Variants in DAGLB observed in about 807,000 individuals in gnomAD.
DAGLB encodes diacylglycerol lipase beta.
In DAGLB, 66 loss-of-function variants were observed where a neutral mutation model predicts 72.1. The ratio of observed to expected loss-of-function variants is 0.92; its 90% CI spans 0.75 to 1.12. The LOEUF is 1.12. DAGLB is among the 50% of genes most tolerant of loss of function. DAGLB has a pLI of 0.00. For synonymous variants in DAGLB, 414 were observed against 359.5 expected (o/e 1.15, Z -1.71); for missense variants, 1,065 against 884.9 (o/e 1.20, Z -2.58).
At chr7:6,410,470 A>G in intron 13 of DAGLB, 90 bp from the exon 14 acceptor site, 7 of 1,506,896 alleles carry the variant, frequency 4.6e-6, no homozygotes, top group Non-Finnish European at 5.3e-6. Flanking sequence ...AGGCACAGGA[A>G]TCTGCCCTTT....
chr7:6,414,201 A>G (rs766582212), intron 11 of DAGLB, among the ~76,000 whole-genome samples: 22 of 151,560 alleles, frequency 1.5e-4, no homozygotes, highest in Admixed American at 6.6e-4. Flanking sequence ...TAGTAGAGAT[A>G]GGGTTTCACC....
In DAGLB at chr7:6,445,959, T is replaced by G; in HGVS notation, c.241A>C (p.Met81Leu). Residue 81 changes from methionine to leucine, a missense_variant, in exon 2 of 15, where the codon ATG becomes CTG. Met to Leu is a conservative substitution (Grantham distance 15). Transcript: ENST00000297056. ...AGAAAAGGCTACTTTTTACCTCTCA[T>G]GCTGACACACATGATGGCTGACACA... ...CTVSAIMCVS[M>L]RGTICNPGPR... The G allele has an allele frequency of 6.3e-7, 1 of 1,595,964 alleles. No homozygotes were observed. Among genetic ancestry groups the G allele is most frequent in the Non-Finnish European group, 8.5e-7 (1 of 1,174,170 alleles).
chr7:6,433,215 G>C (rs749779226), intron 4 of DAGLB, among the ~76,000 whole-genome samples: 2 of 152,148 alleles, frequency 1.3e-5, no homozygotes, highest in Non-Finnish European at 1.5e-5. Flanking sequence ...TTCACTTCAT[G>C]TGACTCAACT....
chr7:6,421,618 C>T, intron 9 of DAGLB, 109 bp downstream of exon 9: 2 of 904,760 alleles, frequency 2.2e-6, no homozygotes, highest in Admixed American at 3.1e-5. Context: ...GAGGCGCAGG[C>T]AGCGCGGGAG....
At chr7:6,434,098 C>T (rs1309430047) in intron 4 of DAGLB, among the ~76,000 whole-genome samples, 2 of 152,076 alleles carry the variant, frequency 1.3e-5, no homozygotes, top group Admixed American at 6.6e-5. Context: ...GGTGCCAAGT[C>T]GGATAGCACA....
chr7:6,441,113 T>TG (rs1414283930), intron 2 of DAGLB, among the ~76,000 whole-genome samples: 5 of 148,452 alleles, frequency 3.4e-5, no homozygotes, highest in African/African-American at 1.2e-4. Flanking sequence ...TTTTTTGAGA[T>TG]GGAGTCTCGC....
In DAGLB at chr7:6,436,500, A is replaced by G. The variant is rs1212573175; in HGVS notation, c.281T>C (p.Met94Thr). ...CAGGCGGATGTAAAGCAGCTTAGAC[A>G]TAGACTTCCGCGGTCCAGGGTTACA... ...TICNPGPRKS[M>T]SKLLYIRLAL... is the part of the protein sequence containing the mutation. Residue 94 changes from methionine to threonine, a missense_variant, in exon 3 of 15, where the codon ATG (methionine) becomes ACG (threonine). Coordinates refer to ENST00000297056, the MANE Select transcript of DAGLB (RefSeq NM_139179.4). 6.2e-7 allele frequency: 1 copy of G among 1,614,060 alleles called. No individual in the cohort carries two copies.
At chr7:6,439,773 C>T (rs1389361423) in intron 2 of DAGLB, among the ~76,000 whole-genome samples, 1 of 152,046 alleles carries the variant, frequency 6.6e-6, no homozygotes, top group Non-Finnish European at 1.5e-5. Context: ...GAAACTAGGC[C>T]GGGTGCGGTG....
At position 6,421,810 on chromosome 7, in the gene DAGLB, A is replaced by T; in HGVS notation, c.1141-6T>A. 1 of 1,612,392 alleles carries T rather than the reference A, an allele frequency of 6.2e-7. No individual in the cohort carries two copies. Among genetic ancestry groups the T allele is most frequent in the East Asian group, 2.2e-5 (1 of 44,856 alleles). On this transcript the variant is annotated splice_polypyrimidine_tract_variant and splice_region_variant and intron_variant, in intron 8 of 14. Transcript: ENST00000297056. Reference sequence around the variant, plus strand: ...GACAGGTCCGTAAGGACATCCTGTAAAAAGGGCGTTGCAGAAGCGGCCGTC... The same window carrying T: ...GACAGGTCCGTAAGGACATCCTGTATAAAGGGCGTTGCAGAAGCGGCCGTC...
intron 2 of DAGLB, 32 bp downstream of exon 2, chr7:6,445,921 A>T: frequency 8.4e-6 from 13 of 1,556,834 alleles, no homozygotes; most frequent in Non-Finnish European, 1.1e-5. Context: ...CTATAAAAAA[A>T]TAGGTATCAA....
chr7:6,436,296 T>G (rs1301461648), intron 3 of DAGLB, 66 bp downstream of exon 3: 19 of 1,543,336 alleles, frequency 1.2e-5, no homozygotes, highest in Non-Finnish European at 3.5e-6. Context: ...CTCTGTCATG[T>G]TAGAAGGGTT....
In DAGLB at chr7:6,434,909, A is replaced by G. The variant is rs774807749; in HGVS notation, c.531T>C (p.Asp177=). 6.2e-7 allele frequency: 1 copy of G among 1,614,220 alleles called. No homozygotes were observed. Among genetic ancestry groups the G allele is most frequent in the Non-Finnish European group, 8.5e-7 (1 of 1,180,042 alleles). The part of the protein sequence containing the change: ...SAGPSHLDSH[D]SSQLLNGLKT... ...TGAGGCCATTAAGTAACTGGCTTGA[A>G]TCATGACTATCCAGGTGGCTGGGGC... Residue 177 remains aspartate (D), a synonymous_variant, in exon 4 of 15, where the codon GAT becomes GAC. Transcript: ENST00000297056.
intron 4 of DAGLB, among the ~76,000 whole-genome samples, chr7:6,433,384 G>A (rs117139246): frequency 6.6e-6 from 1 of 152,136 alleles, no homozygotes; most frequent in Non-Finnish European, 1.5e-5. Flanking sequence ...AGATTTATGA[G>A]ACTAAACTCA....
At chr7:6,447,674 A>G in intron 1 of DAGLB, 74 bp downstream of exon 1, 1 of 1,525,110 alleles carries the variant, frequency 6.6e-7, no homozygotes, top group South Asian at 1.2e-5. Flanking sequence ...CACTTCTGTC[A>G]CCGTCTCAAG....
In DAGLB at chr7:6,428,144, C is replaced by T. The variant is rs180935543; in HGVS notation, c.930-2030G>A. Among the ~76,000 whole-genome samples, 811 of 151,728 alleles carry T rather than the reference C, an allele frequency of 5.3e-3. 3 individuals are homozygous for T. The highest frequency in any genetic ancestry group is 8.0e-3 in the Non-Finnish European group (543 of 67,922). The stretch of plus-strand genomic sequence containing the variant: ...AGTGGATCACCTGAGGTCAGGAGTT[C>T]GACCAGCCTGGCCAACACAGCGAAA... On this transcript the variant is annotated intron_variant, in intron 6 of 14. Transcript: ENST00000297056.
rs374533156 is a variant in DAGLB, at chr7:6,416,823, C to T, written c.1299+18G>A. On this transcript the variant is annotated intron_variant, in intron 10 of 14. Coordinates refer to ENST00000297056, the MANE Select transcript of DAGLB (RefSeq NM_139179.4). ...GCTCCAAAGAGGACAAGGAAAGAAA[C>T]GTTAACTAAGATCTCACAGGAGCAA... is the stretch of plus-strand genomic sequence containing the variant. The T allele has an allele frequency of 1.7e-5, 28 of 1,614,052 alleles. No homozygotes were observed. Among genetic ancestry groups the T allele is most frequent in the Non-Finnish European group, 2.0e-5 (24 of 1,180,028 alleles).
chr7:6,430,279 A>G (rs1438195988), intron 6 of DAGLB, among the ~76,000 whole-genome samples: 1 of 115,964 alleles, frequency 8.6e-6, no homozygotes, highest in Non-Finnish European at 1.7e-5. Flanking sequence ...ATATATATAT[A>G]TATGCAGGGG....
chr7:6,410,588 T>C (rs1461563098), intron 13 of DAGLB, among the ~76,000 whole-genome samples: 5 of 152,152 alleles, frequency 3.3e-5, no homozygotes, highest in Non-Finnish European at 7.4e-5. Flanking sequence ...TCACAGATCA[T>C]GAGTGTGGGC....
chr7:6,413,772 G>A (rs948980503), intron 11 of DAGLB, among the ~76,000 whole-genome samples: 4 of 152,208 alleles, frequency 2.6e-5, no homozygotes, highest in South Asian at 4.1e-4. Context: ...TCCCAACAAC[G>A]AGTCACATAA....
Sources: allele counts gnomAD v4.1 joint callset (sites outside exome capture counted in the v4.1 genomes callset), GRCh38; gene constraint gnomAD v4.1.1; transcripts MANE v1.5; gene names NCBI Gene and HGNC (gene_info 2026-07-23, HGNC 2026-07-21).